FOLH1: variants seen among roughly 807,000 people sequenced by gnomAD.
The protein encoded by FOLH1 is glutamate carboxypeptidase 2.
In FOLH1, 54 loss-of-function variants were observed where a neutral mutation model predicts 93.9. The ratio of observed to expected loss-of-function variants is 0.57; its 90% CI spans 0.46 to 0.72. The LOEUF is 0.72. Ranked by LOEUF, FOLH1 falls within the 30% of genes least tolerant of loss-of-function variation. The probability of loss-of-function intolerance (pLI) is 0.00; values close to 1 mark genes in which losing one functional copy is unlikely to be tolerated. For missense variants in FOLH1, 571 were observed against 892.5 expected (o/e 0.64, Z 4.59); for synonymous variants, 249 against 303.6 (o/e 0.82, Z 1.87).
intron 10 of FOLH1, among the ~76,000 whole-genome samples, chr11:49,173,114 T>A (rs563269568): frequency 6.6e-6 from 1 of 152,308 alleles, no homozygotes; most frequent in African/African-American, 2.4e-5. Flanking sequence ...AGAACAACCA[T>A]TAACAGTATA....
At chr11:49,155,122 T>C (rs1856871121) in intron 15 of FOLH1, among the ~76,000 whole-genome samples, 1 of 152,088 alleles carries the variant, frequency 6.6e-6, no homozygotes, top group Non-Finnish European at 1.5e-5. Context: ...CATCTTAAGA[T>C]GCTTATTTTT....
chr11:49,182,328 C>CAA (rs59966842), intron 7 of FOLH1, among the ~76,000 whole-genome samples: 7,093 of 59,626 alleles, frequency 0.12, 1,666 homozygotes, highest in South Asian at 0.23. Flanking sequence ...GACACTGTCT[C>CAA]AAAAAAAAAA....
intron 11 of FOLH1, among the ~76,000 whole-genome samples, chr11:49,170,349 G>T (rs1050504813): frequency 2.0e-5 from 3 of 152,096 alleles, no homozygotes; most frequent in African/African-American, 7.2e-5. Flanking sequence ...GCATGGTGAC[G>T]CACGCCTGTA....
At chr11:49,171,315 A>C (rs777678676) in intron 10 of FOLH1, 38 bp from the exon 11 acceptor site, 1 of 1,527,484 alleles carries the variant, frequency 6.5e-7, no homozygotes, top group Admixed American at 2.2e-5. Context: ...TAGAAAAAAA[A>C]TTCATAATAT....
intron 10 of FOLH1, 30 bp downstream of exon 10, chr11:49,173,327 G>GT (rs747775378): frequency 4.4e-5 from 70 of 1,589,344 alleles, no homozygotes; most frequent in South Asian, 1.4e-4. Context: ...CAGATAGGCT[G>GT]TTTTTTTTCT....
intron 4 of FOLH1, among the ~76,000 whole-genome samples, chr11:49,190,628 G>T (rs1013199046): frequency 3.3e-5 from 5 of 152,150 alleles, no homozygotes; most frequent in African/African-American, 1.2e-4. Flanking sequence ...TAAACTTAGG[G>T]AGTGGAAACT....
At chr11:49,180,812 CTA>C (rs1278277053) in intron 7 of FOLH1, among the ~76,000 whole-genome samples, 5 of 152,128 alleles carry the variant, frequency 3.3e-5, no homozygotes, top group African/African-American at 7.2e-5. Context: ...TAAATAGTGT[CTA>C]TTTTTAATTA....
intron 7 of FOLH1, among the ~76,000 whole-genome samples, chr11:49,177,982 GA>G (rs35053687): frequency 1.3e-5 from 2 of 149,556 alleles, no homozygotes; most frequent in South Asian, 2.1e-4. Flanking sequence ...AAAAACAAAA[GA>G]AAAAAAAGGC....
At chr11:49,188,302 G>A (rs1390904018) in intron 4 of FOLH1, among the ~76,000 whole-genome samples, 1 of 151,966 alleles carries the variant, frequency 6.6e-6, no homozygotes, top group Non-Finnish European at 1.5e-5. Flanking sequence ...ATCACTTGAG[G>A]TTGGGAGTTC....
intron 12 of FOLH1, among the ~76,000 whole-genome samples, chr11:49,166,162 T>C (rs1001009793): frequency 1.2e-4 from 19 of 152,200 alleles, no homozygotes; most frequent in African/African-American, 4.1e-4. Flanking sequence ...AACCGAGATA[T>C]GTGCTGATAT....
At chr11:49,158,154 G>A in intron 13 of FOLH1, 111 bp from the exon 14 acceptor site, 1 of 865,746 alleles carries the variant, frequency 1.2e-6, no homozygotes, top group East Asian at 2.8e-5. Context: ...AAAAACAAGG[G>A]ATGCTATCCA....
intron 4 of FOLH1, among the ~76,000 whole-genome samples, chr11:49,187,884 A>G (rs1861594712): frequency 6.6e-6 from 1 of 152,210 alleles, no homozygotes; most frequent in Non-Finnish European, 1.5e-5. Context: ...AGAGACCTGG[A>G]CATCTCAGTC....
intron 7 of FOLH1, among the ~76,000 whole-genome samples, chr11:49,178,640 A>C (rs1175913986): frequency 6.6e-6 from 1 of 152,224 alleles, no homozygotes; most frequent in Admixed American, 6.5e-5. Flanking sequence ...GGTTCTCTTT[A>C]GAAATAAATC....
intron 14 of FOLH1, 71 bp downstream of exon 14, chr11:49,157,872 TAATGATTGA>T: frequency 7.5e-7 from 1 of 1,335,934 alleles, no homozygotes. Context: ...ATTTTTCACT[TAATGATTGA>T]AAGAAAATGT....
intron 4 of FOLH1, among the ~76,000 whole-genome samples, chr11:49,190,568 G>C (rs372031489): frequency 6.6e-6 from 1 of 152,128 alleles, no homozygotes; most frequent in South Asian, 2.1e-4. Flanking sequence ...TGGACCCTCA[G>C]AAACAATATC....
In FOLH1 at chr11:49,169,246, G is replaced by A. The variant is rs770157136; in HGVS notation, c.1321C>T (p.Leu441Phe). The change falls in exon 12 of 19, where the codon CTC (leucine) becomes TTC (phenylalanine). Residue 441 changes from leucine to phenylalanine, a missense_variant. Physicochemically the swap from Leu to Phe is conservative, Grantham distance 22. Transcript: ENST00000256999. ...TAAGCCACGCCACGCTCTTGAAGGA[G>A]TCTTGAATTCTCCTATAATAAAAAG... ...STEWAEENSR[L>F]LQERGVAYIN... The A allele has an allele frequency of 1.2e-6, 2 of 1,613,104 alleles. No homozygotes were observed. Among genetic ancestry groups the A allele is most frequent in the East Asian group, 4.5e-5 (2 of 44,820 alleles).
rs547930923 is a variant in FOLH1, at chr11:49,208,348, A to C, written c.62T>G (p.Leu21Arg). ...AVATARRPRW[L>R]CAGALVLAGG... is the part of the protein sequence containing the mutation. ...CGCCAGCACCAGCGCCCCAGCGCACAGCCAGCGCGGGCGGCGCGCGGTGGC... is the reference window on the plus strand; with the variant it reads ...CGCCAGCACCAGCGCCCCAGCGCACCGCCAGCGCGGGCGGCGCGCGGTGGC... Residue 21 changes from leucine to arginine, a missense_variant, in exon 1 of 19, where the codon CTG becomes CGG. This residue lies in a region of FOLH1 where 71 missense variants were observed against 69.6 expected (regional missense o/e 1.02). Transcript: ENST00000256999. 1.3e-4 allele frequency: 208 copies of C among 1,601,466 alleles called. 2 individuals are homozygous for C. In the South Asian group the frequency reaches 2.3e-3, roughly 18 times the overall value.
Position 49,200,455 on chromosome 11 carries a change from A to T in FOLH1, c.225-14T>A. 6.2e-7 allele frequency: 1 copy of T among 1,612,404 alleles called. No homozygotes were observed. Among genetic ancestry groups the T allele is most frequent in the Non-Finnish European group, 8.5e-7 (1 of 1,179,368 alleles). ...TGTGTAAAATTACTGGTGAACAAAA[A>T]TTGAAAGTGGTTAGATATTAATGTT... On this transcript the variant is annotated splice_polypyrimidine_tract_variant and intron_variant, in intron 2 of 18. Coordinates refer to ENST00000256999, the MANE Select transcript of FOLH1 (RefSeq NM_004476.3).
intron 7 of FOLH1, among the ~76,000 whole-genome samples, chr11:49,178,916 T>G (rs1352898955): frequency 6.6e-6 from 1 of 152,184 alleles, no homozygotes; most frequent in East Asian, 1.9e-4. Context: ...GGCACTGTGT[T>G]TTATTCACTA....
Sources: gnomAD v4.1 joint callset for allele counts (sites outside exome capture counted in the v4.1 genomes callset) on GRCh38, gnomAD v4.1.1 for gene constraint, gnomAD v4.1.1 regional missense constraint, MANE v1.5 for transcripts, NCBI Gene and HGNC (gene_info 2026-07-23, HGNC 2026-07-21) for gene names.